Variants in PAM observed in about 807,000 individuals in gnomAD.
PAM encodes peptidyl-glycine alpha-amidating monooxygenase.
A neutral mutation model predicts 122.1 loss-of-function variants in PAM; 72 were observed. That is an observed-to-expected ratio of 0.59 (90% CI 0.49 to 0.72). The LOEUF is 0.72. Among genes scored for constraint, PAM ranks in the 30% least tolerant of loss-of-function variants. PAM has a pLI of 0.00. For synonymous variants in PAM, 389 were observed against 404.4 expected, an observed-to-expected ratio of 0.96 and a Z score of 0.46; for missense variants, 1,106 against 1,183.7, an observed-to-expected ratio of 0.93 and a Z score of 0.96.
intron 4 of PAM, among the ~76,000 whole-genome samples, chr5:102,912,317 G>C (rs1230725639): frequency 6.6e-6 from 1 of 151,832 alleles, no homozygotes; most frequent in African/African-American, 2.4e-5. Context: ...GGGGGAGGAG[G>C]ATGATACAAT....
At chr5:102,890,189 C>T (rs542471910) in intron 3 of PAM, among the ~76,000 whole-genome samples, 3 of 151,774 alleles carry the variant, frequency 2.0e-5, no homozygotes, top group Admixed American at 6.6e-5. Context: ...GAGGCTAGAT[C>T]AGATTTAGAT....
chr5:102,924,693 A>G (rs749122509), intron 5 of PAM, among the ~76,000 whole-genome samples: 1 of 152,116 alleles, frequency 6.6e-6, no homozygotes, highest in Non-Finnish European at 1.5e-5. Flanking sequence ...GAACATATCA[A>G]AGTAAAAATT....
chr5:102,963,637 C>T (rs531050316), intron 14 of PAM, among the ~76,000 whole-genome samples: 11 of 151,802 alleles, frequency 7.2e-5, no homozygotes, highest in Non-Finnish European at 2.9e-5. Context: ...GTTGGTCCTA[C>T]AGAAGATGTG....
At chr5:103,023,195 T>C (rs1583010518) in intron 23 of PAM, among the ~76,000 whole-genome samples, 1 of 152,234 alleles carries the variant, frequency 6.6e-6, no homozygotes, top group African/African-American at 2.4e-5. Context: ...ACCTGTATCA[T>C]CCACAGTTCC....
intron 7 of PAM, among the ~76,000 whole-genome samples, chr5:102,938,372 A>G (rs1041284991): frequency 6.6e-6 from 1 of 152,206 alleles, no homozygotes; most frequent in Non-Finnish European, 1.5e-5. Context: ...TTATGAGAAG[A>G]TATGTAAAGC....
In PAM at chr5:102,990,256, T is replaced by G; in HGVS notation, c.1484-16T>G. 1 of 1,520,554 alleles carries G rather than the reference T, an allele frequency of 6.6e-7. No individual in the cohort carries two copies. The highest frequency in any genetic ancestry group is 1.4e-5 in the African/African-American group (1 of 72,494). The allele number at this position is 1,520,554 out of a possible 1,614,324, so 94.2% of individuals were successfully genotyped here. A position where few individuals can be genotyped will look rare whatever the true frequency, so the allele number is the denominator to read the frequency against. ...ACCTTTCCCTTTTACACTAAATGTG[T>G]GGATATATCTTTTAGATTTCCACAT... On this transcript the variant is annotated splice_polypyrimidine_tract_variant and intron_variant, in intron 15 of 25. Transcript: ENST00000438793.
At chr5:102,936,998 A>C (rs567964394) in intron 7 of PAM, among the ~76,000 whole-genome samples, 7 of 152,276 alleles carry the variant, frequency 4.6e-5, no homozygotes, top group African/African-American at 1.7e-4. Flanking sequence ...ATTAAATCTC[A>C]ATTCTCTTAA....
chr5:102,863,642 T>C (rs1784738969), intron 1 of PAM, among the ~76,000 whole-genome samples: 1 of 151,410 alleles, frequency 6.6e-6, no homozygotes, highest in Non-Finnish European at 1.5e-5. Flanking sequence ...TTTTTTTTTT[T>C]TTGGATGAGT....
In PAM at chr5:102,914,010, T is replaced by C. The variant is rs1732887623; in HGVS notation, c.345T>C (p.Thr115=). ...TTGGATGCAATATGCCTTCATCCAC[T>C]GGAAGTTACTGGTAAGGATAATGGG... The part of the protein sequence containing the change: ...LLFGCNMPSS[T]GSYWFCDEGT... Residue 115 remains threonine (T), a synonymous_variant, in exon 5 of 26, where the codon ACT becomes ACC. Coordinates refer to ENST00000438793, the MANE Select transcript of PAM (RefSeq NM_001177306.2). 1 of 1,549,690 alleles carries C rather than the reference T, an allele frequency of 6.5e-7. No individual in the cohort carries two copies. Among genetic ancestry groups the C allele is most frequent in the African/African-American group, 1.4e-5 (1 of 73,572 alleles).
chr5:102,773,974 T>G (rs1561406280), intron 1 of PAM, among the ~76,000 whole-genome samples: 1 of 152,134 alleles, frequency 6.6e-6, no homozygotes, highest in Non-Finnish European at 1.5e-5. Flanking sequence ...GGTATTTGGT[T>G]TTCTGTTCCT....
At chr5:102,931,438 A>G (rs1008369183) in intron 7 of PAM, among the ~76,000 whole-genome samples, 1 of 151,952 alleles carries the variant, frequency 6.6e-6, no homozygotes, top group Non-Finnish European at 1.5e-5. Context: ...CCTTTTTTTG[A>G]CCAGTTTTTT....
At chr5:102,848,531 C>T (rs1780532571) in intron 1 of PAM, among the ~76,000 whole-genome samples, 1 of 152,212 alleles carries the variant, frequency 6.6e-6, no homozygotes, top group Non-Finnish European at 1.5e-5. Context: ...TCCTCCAGAG[C>T]AGCACCAGAC....
intron 1 of PAM, among the ~76,000 whole-genome samples, chr5:102,800,646 A>G (rs894614585): frequency 5.3e-5 from 8 of 152,160 alleles, no homozygotes; most frequent in African/African-American, 1.7e-4. Context: ...CTTTTTCACA[A>G]ATGAAGGTCA....
chr5:102,932,819 C>T (rs1230599617), intron 7 of PAM, among the ~76,000 whole-genome samples: 1 of 152,010 alleles, frequency 6.6e-6, no homozygotes, highest in African/African-American at 2.4e-5. Flanking sequence ...TTTGAGATAG[C>T]CTAGTGAATA....
chr5:102,977,017 A>C (rs1767896830), intron 15 of PAM, among the ~76,000 whole-genome samples: 1 of 152,194 alleles, frequency 6.6e-6, no homozygotes, highest in African/African-American at 2.4e-5. Flanking sequence ...TGACACCAGC[A>C]TAATCTAATA....
chr5:102,934,285 G>T lies in PAM; in HGVS notation c.526+7617G>T, dbSNP rs114364569. Among the ~76,000 whole-genome samples the T allele has an allele frequency of 6.6e-3, 1,012 of 152,192 alleles. 8 individuals carry two copies. Among genetic ancestry groups the T allele is most frequent in the Non-Finnish European group, 0.012 (843 of 68,000 alleles). ...CTCATCCTAGCCTTCCCTGAATAGG[G>T]CCCTGGCGTGTACATCAGCCATCAA... On this transcript the variant is annotated intron_variant, in intron 7 of 25. Transcript: ENST00000438793.
rs1234391594 is a variant in PAM, at chr5:102,793,399, C to T, written c.-374+38051C>T. ...AAAAAAAAATAGCTGAGCATGGTGG[C>T]ACACACCTGTGGTACTAGCTATTTG... is the stretch of plus-strand genomic sequence containing the variant. On this transcript the variant is annotated intron_variant, in intron 1 of 25. Transcript: ENST00000438793. Among the ~76,000 whole-genome samples the T allele has an allele frequency of 4.6e-5, 7 of 151,750 alleles. No homozygotes were observed. The East Asian group carries it at 9.7e-4, about 21-fold the overall frequency.
At chr5:102,840,403 A>G (rs957182499) in intron 1 of PAM, among the ~76,000 whole-genome samples, 1 of 152,196 alleles carries the variant, frequency 6.6e-6, no homozygotes, top group African/African-American at 2.4e-5. Flanking sequence ...TGACTTGTAC[A>G]TAGTGCATTC....
chr5:102,901,400 G>A lies in PAM; in HGVS notation c.255G>A (p.Glu85=). Residue 85 remains glutamate, a synonymous_variant, in exon 4 of 26, where the codon GAG becomes GAA. Transcript: ENST00000438793. The part of the protein sequence containing the change: ...FCMSMRIPVD[E]EAFVIDFKPR... ...TGTCTATGCGAATACCAGTGGATGA[G>A]GAAGCCTTCGTGAGTAAGTATTAAT... The A allele has an allele frequency of 6.3e-7, 1 of 1,575,664 alleles. No individual in the cohort carries two copies. The highest frequency in any genetic ancestry group is 8.7e-7 in the Non-Finnish European group (1 of 1,146,458).
Sources: allele counts gnomAD v4.1 joint callset (sites outside exome capture counted in the v4.1 genomes callset), GRCh38; gene constraint gnomAD v4.1.1; transcripts MANE v1.5; gene names NCBI Gene and HGNC (gene_info 2026-07-23, HGNC 2026-07-21).